MMP1: variants seen among roughly 807,000 people sequenced by gnomAD.
MMP1 encodes the protein matrix metallopeptidase 1, also known as interstitial collagenase.
In MMP1, 51 loss-of-function variants were observed where a neutral mutation model predicts 49.6. That is an observed-to-expected ratio of 1.03 (90% CI 0.82 to 1.30). The LOEUF (loss-of-function observed/expected upper bound fraction) is 1.30. MMP1 is among the 50% of genes most tolerant of loss of function. The pLI, the probability that MMP1 is intolerant of heterozygous loss-of-function variation, is 0.00. For synonymous variants in MMP1, 230 were observed against 196.8 expected (o/e 1.17, Z -1.41); for missense variants, 623 against 568.7 (o/e 1.10, Z -0.97).
chr11:102,797,016 C>A lies in MMP1; in HGVS notation c.497G>T (p.Gly166Val). 2 of 1,612,242 alleles carry A rather than the reference C, an allele frequency of 1.2e-6. No homozygotes were observed. The highest frequency in any genetic ancestry group is 1.1e-5 in the South Asian group (1 of 90,850). ...QADIMISFVR[G>V]DHRDNSPFDG... ...AAGGTGCTATAAGAAGAACTTACCT[C>A]CCCTGACAAAAGATATCATGATGTC... Residue 166 changes from glycine (G) to valine (V), a missense_variant and splice_region_variant, in exon 3 of 10, where the codon GGA becomes GTA. By Grantham distance (109) the Gly-to-Val change is moderately radical. Transcript: ENST00000315274.
intron 6 of MMP1, 61 bp downstream of exon 6, chr11:102,795,113 C>G: frequency 1.6e-6 from 2 of 1,249,702 alleles, no homozygotes; most frequent in Non-Finnish European, 2.4e-6. Flanking sequence ...AATAGTTAAT[C>G]ATAGTGGTGA....
At chr11:102,797,872 C>CA (rs5794198) in intron 1 of MMP1, 116 bp downstream of exon 1, 357 of 637,574 alleles carry the variant, frequency 5.6e-4, no homozygotes, top group East Asian at 1.7e-3. Context: ...CTGTTTCTAG[C>CA]AAAAAAAAAA....
intron 1 of MMP1, 65 bp downstream of exon 1, chr11:102,797,923 T>C (rs1410550907): frequency 8.1e-7 from 1 of 1,238,494 alleles, no homozygotes; most frequent in Non-Finnish European, 1.1e-6. Flanking sequence ...AAAACTCTAT[T>C]ACATTACTGC....
rs1366327341 is a variant in MMP1, at chr11:102,790,440, T to C, written c.1382A>G (p.Asn461Ser). ...TKRILTLQKA[N>S]SWFNCRKN is the part of the protein sequence containing the mutation. ...ATTTTTCCTGCAGTTGAACCAGCTA[T>C]TAGCTTTCTGGAGAGTCAAAATTCT... Residue 461 changes from asparagine (N) to serine (S), a missense_variant, in exon 10 of 10, where the codon AAT becomes AGT. Asn to Ser is a conservative substitution (Grantham distance 46). Transcript: ENST00000315274. 1.2e-6 allele frequency: 2 copies of C among 1,609,606 alleles called. No homozygotes were observed. The highest frequency in any genetic ancestry group is 1.7e-6 in the Non-Finnish European group (2 of 1,177,142).
In MMP1 at chr11:102,797,011, T is replaced by C; in HGVS notation, c.499+3A>G. The C allele has an allele frequency of 6.2e-7, 1 of 1,611,846 alleles. No homozygotes were observed. The highest frequency in any genetic ancestry group is 8.5e-7 in the Non-Finnish European group (1 of 1,178,580). On this transcript the variant is annotated splice_donor_region_variant and intron_variant, in intron 3 of 9. Transcript: ENST00000315274. ...AGGTTAAGGTGCTATAAGAAGAACT[T>C]ACCTCCCCTGACAAAAGATATCATG...
At chr11:102,792,178 G>C (rs1414168710) in intron 7 of MMP1, among the ~76,000 whole-genome samples, 1 of 152,166 alleles carries the variant, frequency 6.6e-6, no homozygotes, top group Admixed American at 6.5e-5. Context: ...TGGCCCATCT[G>C]ACCTGCATTT....
Position 102,794,250 on chromosome 11 carries a change from C to A in MMP1, c.899+924G>T, listed in dbSNP as rs958572567. On this transcript the variant is annotated intron_variant, in intron 6 of 9. Transcript: ENST00000315274. This position sits in a 1 kb window ranked among gnomAD's most constrained non-coding sequence, Gnocchi z 4.3. Reference sequence around the variant, plus strand: ...AGTGCCCTGAATTCTAGGAGAGATGCGACTACAGAGTAGTAAAACAGTGCC... The same window carrying A: ...AGTGCCCTGAATTCTAGGAGAGATGAGACTACAGAGTAGTAAAACAGTGCC... 1.3e-5 allele frequency among the ~76,000 whole-genome samples: 2 copies of A among 152,152 alleles called. No individual in the cohort carries two copies. The highest frequency in any genetic ancestry group is 2.4e-5 in the African/African-American group (1 of 41,440).
At position 102,795,233 on chromosome 11, in the gene MMP1, A is replaced by G. The variant is rs752871817; in HGVS notation, c.840T>C (p.Ser280=). The G allele has an allele frequency of 6.2e-7, 1 of 1,614,136 alleles. No individual in the cohort carries two copies. The highest frequency in any genetic ancestry group is 1.1e-5 in the South Asian group (1 of 91,088). Residue 280 remains serine (S), a synonymous_variant, in exon 6 of 10, where the codon AGT becomes AGC. Coordinates refer to ENST00000315274, the MANE Select transcript of MMP1 (RefSeq NM_002421.4). ...TAGTTATAGCATCAAAGGTTAGCTT[A>G]CTGTCACACGCTTTTGGGGTTTGTG... The part of the protein sequence containing the change: ...IGPQTPKACD[S]KLTFDAITTI...
At chr11:102,791,572 T>C in intron 7 of MMP1, 77 bp from the exon 8 acceptor site, 1 of 1,504,046 alleles carries the variant, frequency 6.6e-7, no homozygotes, top group Non-Finnish European at 9.2e-7. Flanking sequence ...GCTAAGTTCT[T>C]AGTTTCACAT....
At position 102,797,402 on chromosome 11, in the gene MMP1, C is replaced by T. The variant is rs1227170820; in HGVS notation, c.204G>A (p.Gln68=). 2.5e-6 allele frequency: 4 copies of T among 1,614,096 alleles called. No homozygotes were observed. Among genetic ancestry groups the T allele is most frequent in the African/African-American group, 1.3e-5 (1 of 74,944 alleles). The change falls in exon 2 of 10, where the codon CAG becomes CAA. Residue 68 remains glutamine (Q), a synonymous_variant. Transcript: ENST00000315274. ...CAGTCACTTTCAGCCCAAAGAATTC[C>T]TGCATTTGCTTCAATTTTTCAACCA... ...GPVVEKLKQM[Q]EFFGLKVTGK...
At position 102,791,398 on chromosome 11, in the gene MMP1, G is replaced by C; in HGVS notation, c.1131C>G (p.Ile377Met). 13 of 1,614,018 alleles carry C rather than the reference G, an allele frequency of 8.1e-6. No individual in the cohort carries two copies. The highest frequency in any genetic ancestry group is 1.1e-5 in the Non-Finnish European group (13 of 1,179,900). The change falls in exon 8 of 10, where the codon ATC becomes ATG. Residue 377 changes from isoleucine (I) to methionine (M), a missense_variant. Physicochemically the swap from Ile to Met is conservative, Grantham distance 10 (BLOSUM62 1). Transcript: ENST00000315274. ...SFGFPRTVKH[I>M]DAALSEENTG... ...TGTTTTCCTCAGAAAGAGCAGCATC[G>C]ATATGCTTCACAGTTCTAGGGAAGC...
At position 102,794,358 on chromosome 11, in the gene MMP1, T is replaced by A. The variant is rs1333189895; in HGVS notation, c.899+816A>T. Among the ~76,000 whole-genome samples the A allele has an allele frequency of 6.6e-6, 1 of 152,200 alleles. No individual in the cohort carries two copies. Among genetic ancestry groups the A allele is most frequent in the African/African-American group, 2.4e-5 (1 of 41,450 alleles). ...GTTGATCTTTCTGTGGACTGCATCA[T>A]TCACCAAATGCGGTGTGCAATAACA... On this transcript the variant is annotated intron_variant, in intron 6 of 9. Transcript: ENST00000315274. This position sits in a 1 kb window ranked among gnomAD's most constrained non-coding sequence, Gnocchi z 4.3.
intron 7 of MMP1, among the ~76,000 whole-genome samples, chr11:102,792,272 C>T (rs1350422831): frequency 6.6e-6 from 1 of 152,142 alleles, no homozygotes; most frequent in East Asian, 1.9e-4. Flanking sequence ...AATATTGGTG[C>T]GTGGCATAGT....
In MMP1 at chr11:102,794,116, A is replaced by G. The variant is rs937650074; in HGVS notation, c.899+1058T>C. Among the ~76,000 whole-genome samples the G allele has an allele frequency of 6.6e-5, 10 of 152,178 alleles. No homozygotes were observed. Among genetic ancestry groups the G allele is most frequent in the Non-Finnish European group, 1.3e-4 (9 of 68,030 alleles). On this transcript the variant is annotated intron_variant, in intron 6 of 9. Transcript: ENST00000315274. The surrounding 1 kb of genome is among the most constrained non-coding windows in gnomAD (Gnocchi z 4.3). ...GTACTGAGAGGTTTCCTTTAAAACCATGTGTTTTCTTAACTTGTCCCAGCA... is the reference window on the plus strand; with the variant it reads ...GTACTGAGAGGTTTCCTTTAAAACCGTGTGTTTTCTTAACTTGTCCCAGCA...
chr11:102,792,195 T>G (rs1256408939), intron 7 of MMP1, among the ~76,000 whole-genome samples: 17 of 152,234 alleles, frequency 1.1e-4, no homozygotes, highest in Admixed American at 1.1e-3. Flanking sequence ...ATTTAATTCT[T>G]TGCCTTGAGT....
intron 7 of MMP1, among the ~76,000 whole-genome samples, chr11:102,791,810 A>G (rs1333291554): frequency 6.6e-6 from 1 of 152,214 alleles, no homozygotes; most frequent in Non-Finnish European, 1.5e-5. Context: ...CCTTGGTGAT[A>G]TAAACTTCGG....
chr11:102,796,309 A>C (rs1858189149), intron 4 of MMP1, among the ~76,000 whole-genome samples: 1 of 152,234 alleles, frequency 6.6e-6, no homozygotes, highest in Non-Finnish European at 1.5e-5. Flanking sequence ...GAAATTTTGG[A>C]AAACACAAAA....
chr11:102,794,475 A>C lies in MMP1; in HGVS notation c.899+699T>G, dbSNP rs543487493. On this transcript the variant is annotated intron_variant, in intron 6 of 9. Coordinates refer to ENST00000315274, the MANE Select transcript of MMP1 (RefSeq NM_002421.4). The surrounding 1 kb of genome is among the most constrained non-coding windows in gnomAD (Gnocchi z 4.3). ...TCCTCCTTGCATGTGAGATGACCCC[A>C]ACTTTTTGAGTCCACATGCTGCAGA... Among the ~76,000 whole-genome samples the C allele has an allele frequency of 2.0e-5, 3 of 152,292 alleles. No individual in the cohort carries two copies. The highest frequency in any genetic ancestry group is 2.1e-4 in the South Asian group (1 of 4,820).
Position 102,798,071 on chromosome 11 carries a change from G to A in MMP1, c.22C>T (p.Leu8=), listed in dbSNP as rs905161909. 1.2e-5 allele frequency: 20 copies of A among 1,611,898 alleles called. No individual in the cohort carries two copies. The highest frequency in any genetic ancestry group is 1.7e-5 in the Non-Finnish European group (20 of 1,179,900). The change falls in exon 1 of 10, where the codon CTG becomes TTG. Residue 8 remains leucine (L), a synonymous_variant. Coordinates refer to ENST00000315274, the MANE Select transcript of MMP1 (RefSeq NM_002421.4). ...ACCACACCCCAGAACAGCAGCAGCA[G>A]CAGTGGAGGAAAGCTGTGCATACTG... The part of the protein sequence containing the change: MHSFPPL[L]LLLFWGVVSH...
Sources: allele counts gnomAD v4.1 joint callset (sites outside exome capture counted in the v4.1 genomes callset), GRCh38; gene constraint gnomAD v4.1.1; non-coding constraint Gnocchi (gnomAD v3.1); transcripts MANE v1.5; gene names NCBI Gene and HGNC (gene_info 2026-07-23, HGNC 2026-07-21).